Variants in AGBL4 observed in about 807,000 individuals in gnomAD.
The protein encoded by AGBL4 is AGBL carboxypeptidase 4.
In AGBL4, 58 loss-of-function variants were observed where a neutral mutation model predicts 66.4. The ratio of observed to expected loss-of-function variants is 0.87; its 90% CI spans 0.71 to 1.09. The LOEUF is 1.09. AGBL4 is among the 50% of genes least tolerant of loss of function. AGBL4 has a pLI of 0.00. For missense variants in AGBL4, 579 were observed against 631.0 expected (o/e 0.92, Z 0.88); for synonymous variants, 234 against 222.9 (o/e 1.05, Z -0.44).
intron 3 of AGBL4, among the ~76,000 whole-genome samples, chr1:49,378,239 G>C (rs1195050372): frequency 6.6e-5 from 10 of 152,204 alleles, no homozygotes; most frequent in Non-Finnish European, 2.9e-5. Flanking sequence ...AAATGTTGCA[G>C]GATGGGGGTT....
At chr1:49,001,393 CT>C (rs1210914702) in intron 5 of AGBL4, among the ~76,000 whole-genome samples, 8 of 152,138 alleles carry the variant, frequency 5.3e-5, no homozygotes, top group African/African-American at 1.9e-4. Flanking sequence ...GTATTCTCGC[CT>C]ATAAAATGGG....
intron 2 of AGBL4, among the ~76,000 whole-genome samples, chr1:49,806,209 C>G (rs1160397325): frequency 6.6e-6 from 1 of 152,074 alleles, no homozygotes; most frequent in Non-Finnish European, 1.5e-5. Context: ...TGGTCATGAT[C>G]AGAATATTGG....
chr1:49,057,425 A>T (rs1644327303), intron 4 of AGBL4, among the ~76,000 whole-genome samples: 1 of 152,184 alleles, frequency 6.6e-6, no homozygotes, highest in South Asian at 2.1e-4. Context: ...CAAAACAAAA[A>T]AGAAAAAGAA....
At chr1:48,967,384 C>T (rs1199529875) in intron 5 of AGBL4, among the ~76,000 whole-genome samples, 1 of 152,100 alleles carries the variant, frequency 6.6e-6, no homozygotes, top group Non-Finnish European at 1.5e-5. Context: ...AAACTCAAAT[C>T]AATGAATATT....
At chr1:49,627,981 C>A (rs1449922259) in intron 3 of AGBL4, among the ~76,000 whole-genome samples, 2 of 152,166 alleles carry the variant, frequency 1.3e-5, no homozygotes, top group African/African-American at 4.8e-5. Flanking sequence ...CGCAGATAAG[C>A]TGGTGCTGGG....
intron 5 of AGBL4, among the ~76,000 whole-genome samples, chr1:48,879,213 C>T (rs530723918): frequency 1.2e-3 from 178 of 148,162 alleles, no homozygotes; most frequent in Non-Finnish European, 2.2e-3. Flanking sequence ...AAAAAAAAGA[C>T]AAAAATGTTA....
chr1:49,355,921 A>G (rs1286097203), intron 3 of AGBL4, among the ~76,000 whole-genome samples: 1 of 152,198 alleles, frequency 6.6e-6, no homozygotes, highest in African/African-American at 2.4e-5. Flanking sequence ...AGTACTGCCC[A>G]GAAAGTTCAA....
chr1:49,785,893 A>AAAAT (rs1407219283), intron 2 of AGBL4, among the ~76,000 whole-genome samples: 73 of 140,906 alleles, frequency 5.2e-4, no homozygotes, highest in African/African-American at 1.3e-3. Context: ...GGAAAAAAAA[A>AAAAT]ATATATATAT....
intron 3 of AGBL4, among the ~76,000 whole-genome samples, chr1:49,514,634 C>G (rs1163583877): frequency 6.6e-6 from 1 of 152,110 alleles, no homozygotes; most frequent in African/African-American, 2.4e-5. Flanking sequence ...TGACTTCAAA[C>G]TATACTACAA....
intron 3 of AGBL4, among the ~76,000 whole-genome samples, chr1:49,495,372 TAGCTCATCA>T (rs1314874015): frequency 6.6e-6 from 1 of 152,106 alleles, no homozygotes; most frequent in Admixed American, 6.5e-5. Flanking sequence ...ATTTTTCTTA[TAGCTCATCA>T]GCTCTTGTTA....
At chr1:49,752,401 A>T (rs1270358863) in intron 2 of AGBL4, among the ~76,000 whole-genome samples, 1 of 152,112 alleles carries the variant, frequency 6.6e-6, no homozygotes, top group East Asian at 1.9e-4. Flanking sequence ...GAGTTTCTTA[A>T]TCCTGAGTTC....
intron 1 of AGBL4, among the ~76,000 whole-genome samples, chr1:49,941,247 C>G (rs1654730129): frequency 6.6e-6 from 1 of 152,148 alleles, no homozygotes; most frequent in Non-Finnish European, 1.5e-5. Flanking sequence ...GTGAATTCTA[C>G]CAAACATTTG....
intron 3 of AGBL4, among the ~76,000 whole-genome samples, chr1:49,504,285 T>A (rs1428809484): frequency 6.6e-6 from 1 of 152,106 alleles, no homozygotes; most frequent in African/African-American, 2.4e-5. Context: ...TGCAGAACTG[T>A]GAGTCAATTA....
At position 48,995,783 on chromosome 1, in the gene AGBL4, G is replaced by A. The variant is rs1048720950; in HGVS notation, c.594+49801C>T. On this transcript the variant is annotated intron_variant, in intron 5 of 13. Coordinates refer to ENST00000371839, the MANE Select transcript of AGBL4 (RefSeq NM_032785.4). ...TAGTCACTGAGTGGAAGGGGAAAAA[G>A]TAGAAGAAGTAGGCAGAAAACAAGC... Among the ~76,000 whole-genome samples, 18 of 152,160 alleles carry A rather than the reference G, an allele frequency of 1.2e-4. 1 individual carries two copies. The highest frequency in any genetic ancestry group is 7.9e-4 in the Admixed American group (12 of 15,266).
At chr1:49,712,102 T>C (rs1304304846) in intron 2 of AGBL4, among the ~76,000 whole-genome samples, 2 of 152,006 alleles carry the variant, frequency 1.3e-5, no homozygotes, top group Non-Finnish European at 2.9e-5. Context: ...TTATGCCATA[T>C]AATATAAAAC....
At chr1:48,578,070 A>T (rs1275062260) in intron 11 of AGBL4, among the ~76,000 whole-genome samples, 1 of 152,154 alleles carries the variant, frequency 6.6e-6, no homozygotes, top group African/African-American at 2.4e-5. Context: ...AAATGGAGAT[A>T]CTATCTCAAA....
At chr1:49,041,746 A>G (rs1643948188) in intron 5 of AGBL4, among the ~76,000 whole-genome samples, 1 of 152,158 alleles carries the variant, frequency 6.6e-6, no homozygotes, top group African/African-American at 2.4e-5. Flanking sequence ...GAATCTGAAT[A>G]AAGGATGCAG....
chr1:49,731,035 G>A (rs139208771), intron 2 of AGBL4, among the ~76,000 whole-genome samples: 1 of 152,230 alleles, frequency 6.6e-6, no homozygotes, highest in East Asian at 1.9e-4. Context: ...TTATTCTCCA[G>A]CTTCTGGTTG....
At chr1:49,353,712 C>T (rs922756433) in intron 3 of AGBL4, among the ~76,000 whole-genome samples, 2 of 152,136 alleles carry the variant, frequency 1.3e-5, no homozygotes, top group Non-Finnish European at 1.5e-5. Flanking sequence ...CCATACAAAC[C>T]TCAAACCCCA....
Sources: allele counts gnomAD v4.1 joint callset (sites outside exome capture counted in the v4.1 genomes callset), GRCh38; gene constraint gnomAD v4.1.1; transcripts MANE v1.5; gene names NCBI Gene and HGNC (gene_info 2026-07-23, HGNC 2026-07-21).